The following INTS1 variants were observed in gnomAD, a reference collection of about 807,000 sequenced individuals.
INTS1 encodes integrator complex subunit 1.
In INTS1, 137 loss-of-function variants were observed where a neutral mutation model predicts 241.6. That is an observed-to-expected ratio of 0.57 (90% confidence interval 0.49 to 0.65). INTS1 has a LOEUF of 0.65. INTS1 is among the 30% of genes least tolerant of loss of function. The probability of loss-of-function intolerance (pLI) is 0.00; values close to 1 mark genes in which losing one functional copy is unlikely to be tolerated. For missense variants in INTS1, 3,073 were observed against 3,032.2 expected (o/e 1.01, Z -0.32); for synonymous variants, 1,692 against 1,337.8 (o/e 1.26, Z -5.78).
intron 46 of INTS1, 40 bp downstream of exon 46, chr7:1,471,093 C>A (rs1452825074): frequency 6.5e-7 from 1 of 1,539,804 alleles, no homozygotes; most frequent in Non-Finnish European, 8.8e-7. Context: ...TTAGCAGGGC[C>A]CAGCGGTGGC....
intron 18 of INTS1, among the ~76,000 whole-genome samples, chr7:1,488,484 G>A (rs1782387227): frequency 6.6e-6 from 1 of 151,966 alleles, no homozygotes; most frequent in African/African-American, 2.4e-5. Context: ...AAGCAGCTGT[G>A]CCTCCCACCT....
chr7:1,496,016 C>T (rs2128542818), intron 12 of INTS1, 140 bp downstream of exon 12: 2 of 653,268 alleles, frequency 3.1e-6, no homozygotes, highest in East Asian at 2.8e-5. Flanking sequence ...AGCTTCCAGG[C>T]TCCGTGTCCC....
chr7:1,499,405 C>CCACAA, intron 6 of INTS1, 45 bp from the exon 7 acceptor site: 1 of 1,521,176 alleles, frequency 6.6e-7, no homozygotes, highest in Non-Finnish European at 8.9e-7. Flanking sequence ...CCCACCCGCC[C>CCACAA]ATCCTCCCAC....
Position 1,496,186 on chromosome 7 carries a change from C to T in INTS1, c.1681G>A (p.Gly561Ser), listed in dbSNP as rs1362777687. Residue 561 changes from glycine (G) to serine (S), a missense_variant, in exon 12 of 48, where the codon GGC becomes AGC. Gly to Ser is a moderately conservative substitution (Grantham distance 56). Coordinates refer to ENST00000404767, the MANE Select transcript of INTS1 (RefSeq NM_001080453.3). Reference sequence around the variant, plus strand: ...TTTTCTCCTTTGTCCCAGGCGATGCCGGCCTCCTTCACCTGCGCTGTGATG... The same window carrying T: ...TTTTCTCCTTTGTCCCAGGCGATGCTGGCCTCCTTCACCTGCGCTGTGATG... The part of the protein sequence containing the change: ...LGITAQVKEA[G>S]IAWDKGEKRN... The T allele has an allele frequency of 2.5e-6, 4 of 1,613,816 alleles. No individual in the cohort carries two copies. The highest frequency in any genetic ancestry group is 3.4e-6 in the Non-Finnish European group (4 of 1,179,772).
Position 1,474,091 on chromosome 7 carries a change from G to A in INTS1, c.5829+77C>T, listed in dbSNP as rs942500267. The A allele has an allele frequency of 1.8e-4, 257 of 1,440,302 alleles. 2 individuals carry two copies. Among genetic ancestry groups the A allele is most frequent in the African/African-American group, 1.3e-3 (90 of 70,956 alleles). The allele number at this position is 1,440,302 out of a possible 1,614,324, so 89.2% of individuals were successfully genotyped here. On this transcript the variant is annotated intron_variant, in intron 41 of 47. Coordinates refer to ENST00000404767, the MANE Select transcript of INTS1 (RefSeq NM_001080453.3). ...CTGCAGAGGTCCTCCCAGTCCCTCC[G>A]CGAGTGGGTGAGGCAGGCCTGGGCC...
intron 8 of INTS1, 28 bp downstream of exon 8, chr7:1,498,947 C>CCCCCCCCCCCCCCCGGG: frequency 1.5e-6 from 2 of 1,339,436 alleles, no homozygotes; most frequent in Non-Finnish European, 2.0e-6. Flanking sequence ...CCCCCTGCCC[C>CCCCCCCCCCCCCCCGGG]GCCCACCCCC....
At chr7:1,476,194 C>T (rs578125065) in intron 38 of INTS1, 35 bp downstream of exon 38, 28 of 1,539,716 alleles carry the variant, frequency 1.8e-5, no homozygotes, top group Non-Finnish European at 2.4e-5. Flanking sequence ...ATGGCTCACT[C>T]CCAGGCAGCA....
At chr7:1,471,960 A>G (rs1781488441) in intron 44 of INTS1, among the ~76,000 whole-genome samples, 1 of 152,054 alleles carries the variant, frequency 6.6e-6, no homozygotes, top group African/African-American at 2.4e-5. Flanking sequence ...GACAGCGGCC[A>G]CCGGTACTGC....
chr7:1,490,089 CAG>C (rs34329335), intron 16 of INTS1, among the ~76,000 whole-genome samples: 81,522 of 151,718 alleles, frequency 0.54, 23,684 homozygotes, highest in African/African-American at 0.77. Context: ...GGCTATGAGA[CAG>C]ATGTGAATCG....
At chr7:1,483,471 T>C in intron 26 of INTS1, 1 of 533,314 alleles carries the variant, frequency 1.9e-6, no homozygotes, top group South Asian at 2.0e-5. Flanking sequence ...GTGAGGACTC[T>C]GACCCCAGGC....
chr7:1,494,665 G>T (rs1782757328), intron 14 of INTS1, 151 bp downstream of exon 14: 1 of 741,246 alleles, frequency 1.3e-6, no homozygotes, highest in Admixed American at 2.2e-5. Context: ...GAGAAGGGTG[G>T]CACCCAGGAT....
At chr7:1,503,280 G>T in intron 2 of INTS1, 89 bp from the exon 3 acceptor site, 3 of 1,366,330 alleles carry the variant, frequency 2.2e-6, no homozygotes, top group Non-Finnish European at 3.0e-6. Flanking sequence ...TGTCAGAGGG[G>T]ATTAAACAAG....
rs538165034 is a variant in INTS1 at position 1,472,465 on chromosome 7, G to A, written c.6071-79C>T. On this transcript the variant is annotated intron_variant, in intron 43 of 47. Coordinates refer to ENST00000404767, the MANE Select transcript of INTS1 (RefSeq NM_001080453.3). ...CTGAGGCACCAGGACCTGCCCTCCC[G>A]AGAGCACGGCGGCCACTGCCCAGGC... 1,307 of 1,026,224 alleles carry A rather than the reference G, an allele frequency of 1.3e-3. 3 individuals are homozygous for A. The highest frequency in any genetic ancestry group is 1.7e-3 in the Non-Finnish European group (1,233 of 719,958). The allele number at this position is 1,026,224 out of a possible 1,614,324, so 63.6% of individuals were successfully genotyped here. A position where few individuals can be genotyped will look rare whatever the true frequency, so the allele number is the denominator to read the frequency against.
rs1782297621 is a variant in INTS1 at position 1,486,958 on chromosome 7, C to T, written c.2790G>A (p.Glu930=). The change falls in exon 21 of 48, where the codon GAG becomes GAA. Residue 930 remains glutamate, a synonymous_variant. Transcript: ENST00000404767. ...TGGCCTTCTGCTCCTTGCTCTCGCC[C>T]TCGTCGTCCTCCTCCCCGGAAGCAG... ...DDAASGEEDD[E]GESKEQKAKK... is the part of the protein sequence containing the mutation. The T allele has an allele frequency of 2.5e-6, 4 of 1,607,520 alleles. No homozygotes were observed. Among genetic ancestry groups the T allele is most frequent in the Non-Finnish European group, 3.4e-6 (4 of 1,179,262 alleles).
In INTS1 at chr7:1,484,020, C is replaced by T. The variant is rs759672738; in HGVS notation, c.3412G>A (p.Glu1138Lys). 4 of 1,609,394 alleles carry T rather than the reference C, an allele frequency of 2.5e-6. No homozygotes were observed. Among genetic ancestry groups the T allele is most frequent in the East Asian group, 2.2e-5 (1 of 44,766 alleles). Reference sequence around the variant, plus strand: ...GCCCTCACCCAGCTGTAGACCTCCTCGCCCTCCTTGCTCTGCCGCATGCGC... The same window carrying T: ...GCCCTCACCCAGCTGTAGACCTCCTTGCCCTCCTTGCTCTGCCGCATGCGC... ...VRRMRQSKEGEEVYSWSESQD... is the reference protein window; with the variant it reads ...VRRMRQSKEGKEVYSWSESQD... Residue 1138 changes from glutamate (E) to lysine (K), a missense_variant, in exon 25 of 48, where the codon GAG becomes AAG. By Grantham distance (56) the Glu-to-Lys change is moderately conservative. Coordinates refer to ENST00000404767, the MANE Select transcript of INTS1 (RefSeq NM_001080453.3).
At chr7:1,487,220 C>A in intron 20 of INTS1, 100 bp downstream of exon 20, 2 of 1,505,276 alleles carry the variant, frequency 1.3e-6, no homozygotes, top group South Asian at 2.5e-5. Flanking sequence ...ATGGGCCCCG[C>A]ATCCAGGTGT....
chr7:1,503,320 C>T (rs2128546163), intron 2 of INTS1, 129 bp from the exon 3 acceptor site: 1 of 974,296 alleles, frequency 1.0e-6, no homozygotes, highest in South Asian at 1.7e-5. Flanking sequence ...GAAGCCAGAG[C>T]TCACTCAGCA....
Position 1,474,273 on chromosome 7 carries a change from G to A in INTS1, c.5724C>T (p.Phe1908=). 4 of 1,608,476 alleles carry A rather than the reference G, an allele frequency of 2.5e-6. No homozygotes were observed. The highest frequency in any genetic ancestry group is 4.5e-5 in the East Asian group (2 of 44,780). ...EFRQQNHLSC[F]LHVLGLLELL... The stretch of plus-strand genomic sequence containing the variant: ...GCTCCAGCAGGCCCAGCACGTGCAG[G>A]AAGCAGCTCAGGTGGTTCTGCTGCC... Residue 1908 remains phenylalanine (F), a synonymous_variant, in exon 41 of 48, where the codon TTC becomes TTT. Transcript: ENST00000404767.
At chr7:1,478,000 G>C (rs2128534488) in intron 33 of INTS1, 64 bp from the exon 34 acceptor site, 1 of 1,396,514 alleles carries the variant, frequency 7.2e-7, no homozygotes, top group African/African-American at 1.4e-5. Flanking sequence ...CTGAGTGGGT[G>C]TGGGCTAGCC....
Sources: allele counts gnomAD v4.1 joint callset (sites outside exome capture counted in the v4.1 genomes callset), GRCh38; gene constraint gnomAD v4.1.1; transcripts MANE v1.5; gene names NCBI Gene and HGNC (gene_info 2026-07-23, HGNC 2026-07-21).